MUC22: variants seen among roughly 807,000 people sequenced by gnomAD.
MUC22 encodes the protein mucin 22.
Under a neutral mutation model 40.3 loss-of-function variants are expected in MUC22, and 24 were observed. The observed-to-expected ratio is 0.60, with a 90% CI of 0.43 to 0.84. The LOEUF is 0.84. Among genes scored for constraint, MUC22 ranks in the 40% least tolerant of loss-of-function variants. The pLI is 0.00. For missense variants in MUC22, 1,926 were observed against 2,130.7 expected, an observed-to-expected ratio of 0.90 and a Z score of 1.89; for synonymous variants, 765 against 844.5, an observed-to-expected ratio of 0.91 and a Z score of 1.63.
At chr6:31,022,516 AAG>A (rs1764930755) in intron 1 of MUC22, among the ~76,000 whole-genome samples, 1 of 152,004 alleles carries the variant, frequency 6.6e-6, no homozygotes, top group South Asian at 2.1e-4. Context: ...CTATGCAAAA[AAG>A]AATGAAGTGT....
Position 31,025,928 on chromosome 6 carries a change from C to T in MUC22, c.497C>T (p.Thr166Met), listed in dbSNP as rs920021361. The T allele has an allele frequency of 7.8e-6, 12 of 1,535,094 alleles. No individual in the cohort carries two copies. Among genetic ancestry groups the T allele is most frequent in the East Asian group, 4.9e-5 (2 of 40,874 alleles). The change falls in exon 2 of 4, where the codon ACG (threonine) becomes ATG (methionine). Residue 166 changes from threonine (T) to methionine (M), a missense_variant. By Grantham distance (81) the Thr-to-Met change is moderately conservative. Around this residue, in one of 3 missense-constraint regions of MUC22, gnomAD observed 1,281 missense variants for 1,337.8 expected, o/e 0.96. Coordinates refer to ENST00000561890, the Ensembl canonical transcript of MUC22. The stretch of plus-strand genomic sequence containing the variant: ...ACCTCCACTGCAGGCTCTGAGAAAA[C>T]GATGGCCTCCTCCATAATTTCTGAG...
intron 1 of MUC22, among the ~76,000 whole-genome samples, chr6:31,017,165 C>T (rs1313691095): frequency 6.6e-6 from 1 of 152,226 alleles, no homozygotes; most frequent in African/African-American, 2.4e-5. Flanking sequence ...CATAGACTGC[C>T]CAAGGGCTGA....
intron 1 of MUC22, among the ~76,000 whole-genome samples, chr6:31,013,882 T>C (rs1764019274): frequency 6.6e-6 from 1 of 152,102 alleles, no homozygotes; most frequent in South Asian, 2.1e-4. Context: ...TTTGGGTTTT[T>C]TTTCCTGCTT....
chr6:31,028,094 C>A (rs1765606022), exon 2 of MUC22: 2 of 1,533,436 alleles, frequency 1.3e-6, no homozygotes, highest in African/African-American at 1.4e-5. Context: ...ACCACCACAG[C>A]CTCTACTGAA....
exon 1 of MUC22, chr6:31,010,482 A>G: frequency 1.8e-6 from 1 of 550,322 alleles, no homozygotes; most frequent in Admixed American, 3.1e-5. Flanking sequence ...GGAAAAAAGA[A>G]GAAAAATAAG....
chr6:31,022,322 G>A (rs75222015), intron 1 of MUC22, among the ~76,000 whole-genome samples: 18,195 of 152,048 alleles, frequency 0.12, 1,276 homozygotes, highest in African/African-American at 0.17. Flanking sequence ...GCCACACCAT[G>A]CCTGGCTAAT....
chr6:31,026,782 A>G lies in MUC22; in HGVS notation c.1351A>G (p.Thr451Ala), dbSNP rs1362290186. 6.6e-6 allele frequency: 10 copies of G among 1,511,390 alleles called. 1 individual carries two copies. The highest frequency in any genetic ancestry group is 8.8e-6 in the Non-Finnish European group (10 of 1,130,036). 93.6% of individuals were successfully genotyped at this position (1,511,390 alleles called of 1,614,324 possible). The stretch of plus-strand genomic sequence containing the variant: ...AGGCTCAGAGACCACCACAGTCTCT[A>G]CTGCAGGCTCTGAGACCACTACAGT... The change falls in exon 2 of 4, where the codon ACT becomes GCT. Residue 451 changes from threonine to alanine, a missense_variant. Physicochemically the swap from Thr to Ala is moderately conservative, Grantham distance 58. Coordinates refer to ENST00000561890, the Ensembl canonical transcript of MUC22.
chr6:31,021,181 C>T (rs902964718), intron 1 of MUC22, among the ~76,000 whole-genome samples: 3 of 152,258 alleles, frequency 2.0e-5, no homozygotes, highest in African/African-American at 4.8e-5. Flanking sequence ...GCCAGCTGGG[C>T]TCCTGAGTCT....
chr6:31,031,566 A>G (rs1460162020), intron 2 of MUC22, among the ~76,000 whole-genome samples: 1 of 152,152 alleles, frequency 6.6e-6, no homozygotes, highest in Non-Finnish European at 1.5e-5. Flanking sequence ...ATTTGGTTAT[A>G]TGAATAAGTT....
chr6:31,035,040 A>G, exon 4 of MUC22: 1 of 1,242,750 alleles, frequency 8.0e-7, no homozygotes, highest in Non-Finnish European at 1.1e-6. Context: ...TATGGGTGGG[A>G]GGGGGTCATG....
chr6:31,017,776 A>G (rs6909998), intron 1 of MUC22, among the ~76,000 whole-genome samples: 18,208 of 152,224 alleles, frequency 0.12, 1,273 homozygotes, highest in African/African-American at 0.17. Flanking sequence ...TGGACCAATC[A>G]GTAGGATGTG....
rs1421133038 is a variant in MUC22, at chr6:31,035,291, C to T, written c.*353C>T. 3.2e-5 allele frequency: 9 copies of T among 280,838 alleles called. No individual in the cohort carries two copies. In the South Asian group the frequency reaches 3.8e-4, roughly 12 times the overall value. 17.4% of individuals were successfully genotyped at this position (280,838 alleles called of 1,614,324 possible). ...TCAGGACATCTTCTCTCCCATTTCCCGCCACATCAGGGTCAACGTTTCTCA... is the reference window on the plus strand; with the variant it reads ...TCAGGACATCTTCTCTCCCATTTCCTGCCACATCAGGGTCAACGTTTCTCA... On this transcript the variant is annotated 3_prime_UTR_variant, in exon 4 of 4. Transcript: ENST00000561890.
intron 2 of MUC22, among the ~76,000 whole-genome samples, chr6:31,031,007 T>G (rs2150808983): frequency 6.6e-6 from 1 of 152,332 alleles, no homozygotes; most frequent in African/African-American, 2.4e-5. Context: ...TTGGCAACCT[T>G]TGCTCCAGTC....
exon 2 of MUC22, chr6:31,026,040 TGAGGCC>T (rs1765277983): frequency 6.5e-7 from 1 of 1,530,220 alleles, no homozygotes. Flanking sequence ...CTGCAAGCTC[TGAGGCC>T]ACTAAAGTCT....
intron 1 of MUC22, among the ~76,000 whole-genome samples, chr6:31,011,000 C>A (rs1028346743): frequency 6.6e-6 from 1 of 151,752 alleles, no homozygotes; most frequent in Non-Finnish European, 1.5e-5. Flanking sequence ...TAGTCTCCCC[C>A]AGCTGTGGTT....
chr6:31,027,765 C>G (rs1765563598), exon 2 of MUC22: 20 of 1,531,160 alleles, frequency 1.3e-5, no homozygotes, highest in East Asian at 4.9e-5. Context: ...TGACCACAGT[C>G]TCTACTGAAG....
chr6:31,021,936 A>G (rs868050223), intron 1 of MUC22, among the ~76,000 whole-genome samples: 3 of 152,090 alleles, frequency 2.0e-5, no homozygotes, highest in African/African-American at 4.8e-5. Context: ...TGTTTTTATG[A>G]TCTGTAACAC....
intron 1 of MUC22, among the ~76,000 whole-genome samples, chr6:31,024,867 TTC>T (rs1562597943): frequency 1.5e-5 from 2 of 134,068 alleles, no homozygotes; most frequent in African/African-American, 5.5e-5. Context: ...AATTGCTGCC[TTC>T]TTTTTTTTTT....
intron 1 of MUC22, among the ~76,000 whole-genome samples, chr6:31,018,094 A>C (rs1330680224): frequency 1.3e-5 from 2 of 152,348 alleles, no homozygotes; most frequent in Middle Eastern, 3.4e-3. Flanking sequence ...GCGAGAGTCC[A>C]CGGCTTCATT....
Sources: allele counts gnomAD v4.1 joint callset (sites outside exome capture counted in the v4.1 genomes callset), GRCh38; gene constraint gnomAD v4.1.1; regional missense constraint gnomAD v4.1.1; transcripts MANE v1.5; gene names NCBI Gene and HGNC (gene_info 2026-07-23, HGNC 2026-07-21).